Variants in FYN observed in about 807,000 individuals in gnomAD.
FYN encodes FYN proto-oncogene, Src family tyrosine kinase.
In FYN, 10 loss-of-function variants were observed where a neutral mutation model predicts 70.2. The observed-to-expected ratio is 0.14, with a 90% confidence interval of 0.09 to 0.24. FYN has a LOEUF of 0.24. Ranked by LOEUF, FYN falls within the 10% of genes least tolerant of loss-of-function variation. FYN has a pLI of 1.00. For missense variants in FYN, 319 were observed against 673.1 expected, an observed-to-expected ratio of 0.47 and a Z score of 5.82; for synonymous variants, 236 against 248.6, an observed-to-expected ratio of 0.95 and a Z score of 0.48.
Position 111,840,278 on chromosome 6 carries a change from G to T in FYN, c.-82+6311C>A, listed in dbSNP as rs1024265297. The stretch of plus-strand genomic sequence containing the variant: ...GATAAAGTTAAGGATTTGAGAGGAA[G>T]AGCTTATTCTGGATTATGCAGCAGG... On this transcript the variant is annotated intron_variant, in intron 2 of 13. Coordinates refer to ENST00000354650, the MANE Select transcript of FYN (RefSeq NM_002037.5). Among the ~76,000 whole-genome samples, 9 of 152,180 alleles carry T rather than the reference G, an allele frequency of 5.9e-5. No individual in the cohort carries two copies. In the East Asian group the frequency reaches 1.7e-3, roughly 29 times the overall value.
At chr6:111,736,987 A>G (rs1409336844) in intron 3 of FYN, among the ~76,000 whole-genome samples, 2 of 152,306 alleles carry the variant, frequency 1.3e-5, no homozygotes, top group South Asian at 2.1e-4. Flanking sequence ...GTTTTTCTTA[A>G]CTATCTCAAC....
intron 2 of FYN, among the ~76,000 whole-genome samples, chr6:111,793,222 T>C (rs946407467): frequency 4.6e-5 from 7 of 152,258 alleles, no homozygotes; most frequent in Admixed American, 6.5e-5. Flanking sequence ...TTAAGATGAA[T>C]GTCAGGCCAA....
chr6:111,803,960 A>AAGCTTCTT (rs1479368638), intron 2 of FYN, among the ~76,000 whole-genome samples: 1 of 152,148 alleles, frequency 6.6e-6, no homozygotes, highest in African/African-American at 2.4e-5. Flanking sequence ...AGAACAGGAA[A>AAGCTTCTT]AGCTTCTTCT....
At chr6:111,754,861 T>C (rs1480720134) in intron 3 of FYN, among the ~76,000 whole-genome samples, 1 of 152,156 alleles carries the variant, frequency 6.6e-6, no homozygotes, top group Non-Finnish European at 1.5e-5. Context: ...CACACAGAAT[T>C]TAGAACTTGT....
intron 2 of FYN, among the ~76,000 whole-genome samples, chr6:111,818,926 G>A (rs1772574769): frequency 6.6e-6 from 1 of 152,074 alleles, no homozygotes; most frequent in African/African-American, 2.4e-5. Flanking sequence ...GGACCATCCG[G>A]CTATGCTTCA....
chr6:111,662,668 T>A lies in FYN; in HGVS notation c.1406-721A>T, dbSNP rs115973727. Among the ~76,000 whole-genome samples the A allele has an allele frequency of 5.7e-3, 869 of 152,322 alleles. 6 individuals carry two copies. Among genetic ancestry groups the A allele is most frequent in the African/African-American group, 0.02 (822 of 41,578 alleles). ...CACAGAATGAAAGCATGCTGCCCCT[T>A]GTTTATAGCATTTATAAACTCCATT... On this transcript the variant is annotated intron_variant, in intron 13 of 13. Coordinates refer to ENST00000354650, the MANE Select transcript of FYN (RefSeq NM_002037.5).
At chr6:111,783,964 G>A (rs1262443445) in intron 2 of FYN, among the ~76,000 whole-genome samples, 8 of 152,132 alleles carry the variant, frequency 5.3e-5, no homozygotes, top group African/African-American at 1.4e-4. Flanking sequence ...GAGAAGCATC[G>A]ATCCAAGAGA....
At chr6:111,682,028 C>A (rs1798802102) in intron 12 of FYN, among the ~76,000 whole-genome samples, 1 of 152,188 alleles carries the variant, frequency 6.6e-6, no homozygotes, top group African/African-American at 2.4e-5. Context: ...AAATAGAATG[C>A]AAATCCTTTG....
chr6:111,690,896 C>A (rs1043784676), intron 12 of FYN, among the ~76,000 whole-genome samples: 1 of 152,142 alleles, frequency 6.6e-6, no homozygotes, highest in Non-Finnish European at 1.5e-5. Flanking sequence ...TGCTGACTGT[C>A]GTGCAGTCTT....
intron 13 of FYN, among the ~76,000 whole-genome samples, chr6:111,666,018 T>TTTTTTTTTC (rs1162492364): frequency 7.0e-6 from 1 of 143,300 alleles, no homozygotes; most frequent in Non-Finnish European, 1.5e-5. Context: ...TTTTTTTTTT[T>TTTTTTTTTC]TGAGACAGAG....
At chr6:111,829,372 T>A (rs1007340704) in intron 2 of FYN, among the ~76,000 whole-genome samples, 1 of 152,142 alleles carries the variant, frequency 6.6e-6, no homozygotes, top group Non-Finnish European at 1.5e-5. Flanking sequence ...TGTAGTAAAA[T>A]CTAATTAGAA....
intron 3 of FYN, among the ~76,000 whole-genome samples, chr6:111,746,816 G>A (rs1802243641): frequency 6.6e-6 from 1 of 151,628 alleles, no homozygotes; most frequent in Non-Finnish European, 1.5e-5. Flanking sequence ...CAGAGAGAGG[G>A]TAGAGGGAGG....
intron 1 of FYN, among the ~76,000 whole-genome samples, chr6:111,855,071 C>T (rs191990147): frequency 5.2e-4 from 79 of 152,136 alleles, no homozygotes; most frequent in African/African-American, 1.6e-3. Context: ...AAAAGTGAAA[C>T]GATGACTTTA....
intron 13 of FYN, among the ~76,000 whole-genome samples, chr6:111,662,148 T>G (rs1012315859): frequency 1.3e-5 from 2 of 152,146 alleles, no homozygotes; most frequent in African/African-American, 4.8e-5. Flanking sequence ...AAATTCAGAA[T>G]GACTCTCAAA....
intron 12 of FYN, among the ~76,000 whole-genome samples, chr6:111,681,309 T>G (rs985065847): frequency 6.6e-6 from 1 of 152,172 alleles, no homozygotes; most frequent in Non-Finnish European, 1.5e-5. Flanking sequence ...ATTACAGGCA[T>G]GAGCCACTGC....
chr6:111,810,681 G>A (rs544097695), intron 2 of FYN, among the ~76,000 whole-genome samples: 1 of 152,092 alleles, frequency 6.6e-6, no homozygotes, highest in Non-Finnish European at 1.5e-5. Flanking sequence ...GTGCCTGGGT[G>A]CACTCACACC....
intron 2 of FYN, among the ~76,000 whole-genome samples, chr6:111,787,497 G>A (rs1021692827): frequency 3.1e-4 from 47 of 152,270 alleles, no homozygotes; most frequent in African/African-American, 1.0e-3. Flanking sequence ...GTCAGGTAGC[G>A]TGATGCCTCC....
chr6:111,843,345 G>GTT (rs1647098980), intron 2 of FYN, among the ~76,000 whole-genome samples: 1 of 152,100 alleles, frequency 6.6e-6, no homozygotes, highest in Non-Finnish European at 1.5e-5. Context: ...GCACATTTTT[G>GTT]TTCTGATACA....
chr6:111,753,122 G>A (rs1430116946), intron 3 of FYN, among the ~76,000 whole-genome samples: 2 of 152,220 alleles, frequency 1.3e-5, no homozygotes, highest in East Asian at 1.9e-4. Flanking sequence ...AAGTGTCAAG[G>A]CATGATATAT....
Sources: gnomAD v4.1 joint callset for allele counts (sites outside exome capture counted in the v4.1 genomes callset) on GRCh38, gnomAD v4.1.1 for gene constraint, MANE v1.5 for transcripts, NCBI Gene and HGNC (gene_info 2026-07-23, HGNC 2026-07-21) for gene names.